CDKL4: variants seen among roughly 807,000 people sequenced by gnomAD.
CDKL4 encodes cyclin dependent kinase like 4.
CDKL4 carries 44 observed loss-of-function variants against 42.0 expected under a neutral mutation model. That is an observed-to-expected ratio of 1.05 (90% CI 0.82 to 1.35). The LOEUF (loss-of-function observed/expected upper bound fraction) is 1.35. CDKL4 is among the 40% of genes most tolerant of loss of function. The pLI is 0.00. For missense variants in CDKL4, 393 were observed against 369.9 expected, an observed-to-expected ratio of 1.06 and a Z score of -0.51; for synonymous variants, 120 against 121.6, an observed-to-expected ratio of 0.99 and a Z score of 0.09.
chr2:39,178,361 A>G (rs963324495), intron 9 of CDKL4, among the ~76,000 whole-genome samples: 1 of 152,222 alleles, frequency 6.6e-6, no homozygotes, highest in Non-Finnish European at 1.5e-5. Flanking sequence ...AGCAAACGCA[A>G]ACTGTGAAAA....
downstream of CDKL4, among the ~76,000 whole-genome samples, chr2:39,173,342 T>C (rs1052390935): frequency 6.6e-6 from 1 of 152,222 alleles, no homozygotes; most frequent in South Asian, 2.1e-4. Context: ...TTTTATCTTT[T>C]TTCTCATTTT....
At chr2:39,189,475 C>T (rs943763268) in intron 6 of CDKL4, among the ~76,000 whole-genome samples, 1 of 152,120 alleles carries the variant, frequency 6.6e-6, no homozygotes, top group Non-Finnish European at 1.5e-5. Flanking sequence ...AAAGATGATG[C>T]GTATGAAAGT....
exon 10 of CDKL4, chr2:39,175,937 T>C: frequency 2.3e-6 from 1 of 433,604 alleles, no homozygotes; most frequent in Non-Finnish European, 4.7e-6. Context: ...AGAATTCCTA[T>C]CTCACTTGTA....
intron 3 of CDKL4, among the ~76,000 whole-genome samples, chr2:39,214,784 C>A (rs10199708): frequency 0.88 from 134,178 of 152,140 alleles, 59,515 homozygotes; most frequent in Non-Finnish European, 0.94. Context: ...GCCCAAAAGG[C>A]GGCCAGGGAG....
rs778551450 is a variant in CDKL4, at chr2:39,190,445, A to G, written c.512T>C (p.Leu171Pro). ...ACCATACTGAGTATCTCCCACAAGA[A>G]GTTCAGGAGCTCGGTACCATCTCGT... is the stretch of plus-strand genomic sequence containing the variant. Residue 171 changes from leucine (L) to proline (P), a missense_variant, in exon 6 of 10, where the codon CTT becomes CCT. By Grantham distance (98) the Leu-to-Pro change is moderately conservative (BLOSUM62 -3). Coordinates refer to ENST00000451199, the Ensembl canonical transcript of CDKL4. The G allele has an allele frequency of 6.2e-7, 1 of 1,614,118 alleles. No individual in the cohort carries two copies. The highest frequency in any genetic ancestry group is 8.5e-7 in the Non-Finnish European group (1 of 1,180,036).
At chr2:39,168,721 A>G in the CDKL4 span, among the ~76,000 whole-genome samples, 245 of 150,866 alleles carry the variant, frequency 1.6e-3, 3 homozygotes, top group East Asian at 0.022. Flanking sequence ...AAAAAAAAAA[A>G]AGAGAGAGCC....
At chr2:39,170,291 AAAAAGAAAGAAAAGAAAAGAAAAG>A in the CDKL4 span, among the ~76,000 whole-genome samples, 3 of 141,416 alleles carry the variant, frequency 2.1e-5, no homozygotes, top group African/African-American at 8.7e-5. Flanking sequence ...AAAAAAAAAA[AAAAAGAAAGAAAAGAAAAGAAAAG>A]AAAAGAAAAG....
At chr2:39,190,662 T>A (rs1572956855) in intron 5 of CDKL4, among the ~76,000 whole-genome samples, 160 bp from the exon 6 acceptor site, 1 of 152,196 alleles carries the variant, frequency 6.6e-6, no homozygotes. Context: ...TTACTGTGCA[T>A]TGAGATAGTA....
intron 1 of CDKL4, among the ~76,000 whole-genome samples, chr2:39,242,993 G>C (rs1679735438): frequency 6.6e-6 from 1 of 151,774 alleles, no homozygotes; most frequent in Admixed American, 6.6e-5. Context: ...CCAGCTACTT[G>C]TGGGGCTGAG....
At chr2:39,202,200 C>G (rs960117655) in intron 5 of CDKL4, among the ~76,000 whole-genome samples, 1 of 152,074 alleles carries the variant, frequency 6.6e-6, no homozygotes, top group Non-Finnish European at 1.5e-5. Context: ...CCGCTGCACT[C>G]CAGCCTGGGC....
the CDKL4 span, among the ~76,000 whole-genome samples, chr2:39,169,162 TA>T: frequency 7.2e-5 from 11 of 152,242 alleles, no homozygotes; most frequent in Non-Finnish European, 1.3e-4. Flanking sequence ...AAAACTTGAT[TA>T]AATGTTCTTC....
intron 6 of CDKL4, 129 bp downstream of exon 6, chr2:39,190,176 T>C: frequency 1.5e-6 from 1 of 646,406 alleles, no homozygotes; most frequent in Non-Finnish European, 2.4e-6. Context: ...AGAACAACCA[T>C]CCTGAGTGAC....
exon 2 of CDKL4, chr2:39,229,535 T>C: frequency 1.3e-6 from 2 of 1,598,786 alleles, no homozygotes; most frequent in Non-Finnish European, 1.7e-6. Context: ...TTTTCCATTA[T>C]AGCTGAAGTG....
chr2:39,182,612 A>C (rs1251651853), intron 8 of CDKL4, among the ~76,000 whole-genome samples: 3 of 152,330 alleles, frequency 2.0e-5, no homozygotes, highest in African/African-American at 7.2e-5. Context: ...AGAAATGAGA[A>C]ATCAAAATGG....
intron 8 of CDKL4, among the ~76,000 whole-genome samples, chr2:39,183,705 C>CAGGACCTGCTGAGTGCTGGGTGT (rs1675566497): frequency 6.6e-6 from 1 of 152,146 alleles, no homozygotes; most frequent in Admixed American, 6.5e-5. Context: ...GCTTCTAGGA[C>CAGGACCTGCTGAGTGCTGGGTGT]AGGACCTGCT....
At chr2:39,175,247 A>G (rs1255493613), downstream of CDKL4, among the ~76,000 whole-genome samples, 1 of 152,166 alleles carries the variant, frequency 6.6e-6, no homozygotes, top group Non-Finnish European at 1.5e-5. Flanking sequence ...GGGTCATGAG[A>G]TGACTTAGAC....
chr2:39,203,325 T>C (rs1266853610), intron 5 of CDKL4, among the ~76,000 whole-genome samples: 1 of 152,198 alleles, frequency 6.6e-6, no homozygotes, highest in East Asian at 1.9e-4. Context: ...AAAGGAACAA[T>C]TATGAAGTAA....
chr2:39,226,722 C>T (rs1026883294), intron 2 of CDKL4, among the ~76,000 whole-genome samples: 36 of 151,860 alleles, frequency 2.4e-4, no homozygotes, highest in African/African-American at 4.1e-4. Context: ...CAAACCAGCA[C>T]ATATGGTCAC....
At chr2:39,184,861 A>C (rs915488276) in intron 7 of CDKL4, among the ~76,000 whole-genome samples, 1 of 151,632 alleles carries the variant, frequency 6.6e-6, no homozygotes, top group Non-Finnish European at 1.5e-5. Context: ...CAGCCTCCTA[A>C]GTATCTAGGA....
Sources: allele counts gnomAD v4.1 joint callset (sites outside exome capture counted in the v4.1 genomes callset), GRCh38; gene constraint gnomAD v4.1.1; transcripts MANE v1.5; gene names NCBI Gene and HGNC (gene_info 2026-07-23, HGNC 2026-07-21).